Variants in ZNF277 observed in about 807,000 individuals in gnomAD.
The protein encoded by ZNF277 is zinc finger protein 277, also known as nuclear receptor-interacting factor 4.
Under a neutral mutation model 60.7 loss-of-function variants are expected in ZNF277, and 55 were observed. The ratio of observed to expected loss-of-function variants is 0.91; its 90% CI spans 0.73 to 1.13. The LOEUF (loss-of-function observed/expected upper bound fraction) is 1.13, where lower values mean the gene tolerates loss of function less well. Among genes scored for constraint, ZNF277 ranks in the 50% most tolerant of loss-of-function variants. The pLI is 0.00. For synonymous variants in ZNF277, 178 were observed against 179.3 expected, an observed-to-expected ratio of 0.99 and a Z score of 0.06; for missense variants, 510 against 523.0, an observed-to-expected ratio of 0.98 and a Z score of 0.24.
chr7:112,291,653 A>G (rs1381353672), intron 2 of ZNF277, among the ~76,000 whole-genome samples: 16 of 152,164 alleles, frequency 1.1e-4, no homozygotes, highest in Admixed American at 1.0e-3. Context: ...GCATGTACTG[A>G]AGATCTGCTA....
At chr7:112,276,353 T>C (rs370845376) in intron 1 of ZNF277, among the ~76,000 whole-genome samples, 66 of 152,344 alleles carry the variant, frequency 4.3e-4, no homozygotes, top group South Asian at 1.7e-3. Context: ...TCTTTGCTAT[T>C]GCTTATGCTT....
intron 1 of ZNF277, among the ~76,000 whole-genome samples, chr7:112,244,697 A>G (rs1791041811): frequency 6.6e-6 from 1 of 152,124 alleles, no homozygotes; most frequent in Admixed American, 6.6e-5. Flanking sequence ...TTTCTTTTAC[A>G]ATACTTGAAG....
chr7:112,316,237 G>C (rs934077945), intron 4 of ZNF277, among the ~76,000 whole-genome samples: 1 of 152,066 alleles, frequency 6.6e-6, no homozygotes, highest in Admixed American at 6.6e-5. Context: ...AGTAGAAATA[G>C]AATATATTAA....
chr7:112,315,736 A>G (rs941437421), intron 4 of ZNF277, among the ~76,000 whole-genome samples: 1 of 152,134 alleles, frequency 6.6e-6, no homozygotes, highest in Admixed American at 6.6e-5. Context: ...AAGTCTTAGA[A>G]TTCCTCTTTT....
At chr7:112,262,140 G>A (rs758096868) in intron 1 of ZNF277, among the ~76,000 whole-genome samples, 1 of 150,694 alleles carries the variant, frequency 6.6e-6, no homozygotes, top group Non-Finnish European at 1.5e-5. Context: ...GCATGTAATA[G>A]CTCTCCTCCT....
At chr7:112,305,224 A>T (rs963330281) in intron 4 of ZNF277, among the ~76,000 whole-genome samples, 2 of 151,854 alleles carry the variant, frequency 1.3e-5, no homozygotes, top group African/African-American at 4.8e-5. Context: ...CATTCCTTAA[A>T]AATAATAATA....
intron 6 of ZNF277, among the ~76,000 whole-genome samples, chr7:112,328,958 A>G (rs982320623): frequency 6.6e-6 from 1 of 152,184 alleles, no homozygotes; most frequent in Non-Finnish European, 1.5e-5. Context: ...TGTCACCACT[A>G]TGTTAAATCG....
intron 1 of ZNF277, among the ~76,000 whole-genome samples, chr7:112,231,212 CA>C (rs11340888): frequency 0.75 from 98,809 of 132,278 alleles, 35,776 homozygotes; most frequent in Middle Eastern, 0.82. Context: ...GACTCCGTCT[CA>C]AAAAAAAAAA....
At chr7:112,329,329 G>A (rs1010788458) in intron 6 of ZNF277, among the ~76,000 whole-genome samples, 1 of 152,070 alleles carries the variant, frequency 6.6e-6, no homozygotes, top group Admixed American at 6.6e-5. Context: ...TCAACTGTCA[G>A]GCTTAGTATG....
chr7:112,247,205 T>C (rs1791104971), intron 1 of ZNF277, among the ~76,000 whole-genome samples: 1 of 152,140 alleles, frequency 6.6e-6, no homozygotes, highest in South Asian at 2.1e-4. Flanking sequence ...AAGTGGAGGG[T>C]ATATTCAGGG....
chr7:112,317,772 T>C (rs940304016), intron 4 of ZNF277, among the ~76,000 whole-genome samples: 1 of 151,996 alleles, frequency 6.6e-6, no homozygotes, highest in Non-Finnish European at 1.5e-5. Context: ...ACCTTGGGAA[T>C]GGTAGAGAAA....
chr7:112,265,159 T>C (rs982247994), intron 1 of ZNF277, among the ~76,000 whole-genome samples: 1 of 152,214 alleles, frequency 6.6e-6, no homozygotes, highest in Admixed American at 6.5e-5. Context: ...CTTGGCTGGT[T>C]AGCACAAAAG....
At chr7:112,248,711 A>G (rs1791137679) in intron 1 of ZNF277, among the ~76,000 whole-genome samples, 1 of 151,986 alleles carries the variant, frequency 6.6e-6, no homozygotes, top group South Asian at 2.1e-4. Flanking sequence ...TAGTAGGATC[A>G]TTCCATAAAT....
intron 4 of ZNF277, among the ~76,000 whole-genome samples, chr7:112,311,580 T>G (rs1186090931): frequency 6.6e-6 from 1 of 152,096 alleles, no homozygotes; most frequent in African/African-American, 2.4e-5. Context: ...TGGGCACATC[T>G]TCGATTTGCA....
intron 2 of ZNF277, chr7:112,287,582 A>C (rs965371541): frequency 1.3e-5 from 2 of 148,888 alleles, no homozygotes; most frequent in African/African-American, 5.0e-5. Context: ...GCTGGAGTGC[A>C]GTGGCACGAT....
At chr7:112,246,452 A>G (rs890539594) in intron 1 of ZNF277, among the ~76,000 whole-genome samples, 9 of 152,158 alleles carry the variant, frequency 5.9e-5, no homozygotes, top group Admixed American at 3.3e-4. Flanking sequence ...ATTTGTCCAC[A>G]AAGAGCTTAA....
At chr7:112,283,437 C>T (rs1791992738) in intron 1 of ZNF277, among the ~76,000 whole-genome samples, 2 of 152,108 alleles carry the variant, frequency 1.3e-5, no homozygotes, top group South Asian at 2.1e-4. Flanking sequence ...ACAGGAGACT[C>T]GCTTGAACCT....
At chr7:112,335,611 A>T (rs1208841315) in intron 7 of ZNF277, among the ~76,000 whole-genome samples, 1 of 152,168 alleles carries the variant, frequency 6.6e-6, no homozygotes. Context: ...AAACCTTTTG[A>T]GGTAGAATCT....
At chr7:112,309,100 A>G (rs553013325) in intron 4 of ZNF277, among the ~76,000 whole-genome samples, 6 of 152,094 alleles carry the variant, frequency 3.9e-5, no homozygotes, top group African/African-American at 1.4e-4. Context: ...AAGGGGAAGG[A>G]GGAGGTAAAA....
Sources: allele counts gnomAD v4.1 joint callset (sites outside exome capture counted in the v4.1 genomes callset), GRCh38; gene constraint gnomAD v4.1.1; transcripts MANE v1.5; gene names NCBI Gene and HGNC (gene_info 2026-07-23, HGNC 2026-07-21).